The following LINGO2 variants were observed in gnomAD, a reference collection of about 807,000 sequenced individuals.
LINGO2 encodes the protein leucine-rich repeat and immunoglobulin-like domain-containing nogo receptor-interacting protein 2.
LINGO2 carries 14 observed loss-of-function variants against 30.6 expected under a neutral mutation model. The observed-to-expected ratio is 0.46, with a 90% CI of 0.30 to 0.72. LINGO2 has a LOEUF of 0.72. Among genes scored for constraint, LINGO2 ranks in the 30% least tolerant of loss-of-function variants. LINGO2 has a pLI of 0.07. For missense variants in LINGO2, 729 were observed against 751.7 expected (o/e 0.97, Z 0.35); for synonymous variants, 317 against 288.5 (o/e 1.10, Z -1.00).
chr9:28,554,152 T>C (rs1822494057), intron 1 of LINGO2, among the ~76,000 whole-genome samples: 2 of 151,540 alleles, frequency 1.3e-5, no homozygotes, highest in Admixed American at 6.6e-5. Flanking sequence ...ATAACCATAT[T>C]AACTTTAAAC....
At chr9:28,812,752 G>A in the LINGO2 span, among the ~76,000 whole-genome samples, 1 of 152,136 alleles carries the variant, frequency 6.6e-6, no homozygotes, top group Non-Finnish European at 1.5e-5. Flanking sequence ...TTATTTGGTT[G>A]AGATAAAAGC....
chr9:28,639,123 A>G (rs1827437649), intron 1 of LINGO2, among the ~76,000 whole-genome samples: 1 of 151,940 alleles, frequency 6.6e-6, no homozygotes. Flanking sequence ...CATGTAGTTG[A>G]GCGGTTTTGA....
chr9:28,389,326 G>A (rs1821730120), intron 2 of LINGO2, among the ~76,000 whole-genome samples: 1 of 152,064 alleles, frequency 6.6e-6, no homozygotes. Flanking sequence ...TAATGTCAGA[G>A]AAAGATAATG....
chr9:28,359,056 T>C (rs1820342322), intron 3 of LINGO2, among the ~76,000 whole-genome samples: 1 of 152,138 alleles, frequency 6.6e-6, no homozygotes, highest in South Asian at 2.1e-4. Context: ...AAGATGCCCT[T>C]GAAAATCAGC....
At chr9:27,999,178 C>CA (rs370402575) in intron 5 of LINGO2, among the ~76,000 whole-genome samples, 191 of 148,848 alleles carry the variant, frequency 1.3e-3, no homozygotes, top group Middle Eastern at 0.01. Context: ...AATGAAAAAG[C>CA]AAAAAAAAAC....
intron 2 of LINGO2, among the ~76,000 whole-genome samples, chr9:28,400,495 A>C (rs770520921): frequency 3.2e-4 from 49 of 152,204 alleles, no homozygotes; most frequent in Non-Finnish European, 6.2e-4. Flanking sequence ...TAGTTGTAAA[A>C]CATTTACCAG....
At chr9:29,177,552 T>C in the LINGO2 span, among the ~76,000 whole-genome samples, 1 of 152,142 alleles carries the variant, frequency 6.6e-6, no homozygotes, top group Non-Finnish European at 1.5e-5. Context: ...AAAAAAAACA[T>C]GGATATGTCC....
At chr9:29,177,444 A>G in the LINGO2 span, among the ~76,000 whole-genome samples, 4 of 152,156 alleles carry the variant, frequency 2.6e-5, no homozygotes, top group African/African-American at 4.8e-5. Context: ...AAACTTCAGG[A>G]GCCTTATTTT....
chr9:28,632,821 AT>A (rs1233587982), intron 1 of LINGO2, among the ~76,000 whole-genome samples: 2 of 102,690 alleles, frequency 1.9e-5, no homozygotes, highest in African/African-American at 6.7e-5. Context: ...ATCTATATAT[AT>A]TATATATTAT....
At chr9:28,398,628 A>G (rs1331902) in intron 2 of LINGO2, among the ~76,000 whole-genome samples, 151,490 of 152,010 alleles carry the variant, frequency 1, 75,487 homozygotes, top group Middle Eastern at 1. Flanking sequence ...ATCTCACAGC[A>G]TGCTGAGAAG....
chr9:28,499,645 C>T (rs1819804722), intron 1 of LINGO2, among the ~76,000 whole-genome samples: 1 of 152,164 alleles, frequency 6.6e-6, no homozygotes, highest in Admixed American at 6.5e-5. Flanking sequence ...TAAGGATACA[C>T]TTCTGAAAAT....
At chr9:28,986,112 C>T in the LINGO2 span, among the ~76,000 whole-genome samples, 1 of 151,894 alleles carries the variant, frequency 6.6e-6, no homozygotes, top group African/African-American at 2.4e-5. Flanking sequence ...ATTGAAGAGG[C>T]TATATTATTC....
At chr9:28,925,658 A>G in the LINGO2 span, among the ~76,000 whole-genome samples, 1 of 152,162 alleles carries the variant, frequency 6.6e-6, no homozygotes, top group Non-Finnish European at 1.5e-5. Flanking sequence ...ACTATTAACT[A>G]TATACTGTAT....
chr9:29,033,378 C>CTATATATATATATATATATATA, the LINGO2 span, among the ~76,000 whole-genome samples: 205 of 140,686 alleles, frequency 1.5e-3, no homozygotes, highest in East Asian at 8.1e-3. Context: ...AACTGCTTTA[C>CTATATATATATATATATATATA]TATATATATA....
At chr9:28,880,695 A>T in the LINGO2 span, among the ~76,000 whole-genome samples, 4 of 152,164 alleles carry the variant, frequency 2.6e-5, no homozygotes, top group African/African-American at 9.7e-5. Flanking sequence ...TGCAGTTGAG[A>T]TAGAGGAAGG....
intron 3 of LINGO2, among the ~76,000 whole-genome samples, chr9:28,352,761 G>C (rs1819959825): frequency 6.9e-6 from 1 of 144,702 alleles, no homozygotes; most frequent in Non-Finnish European, 1.5e-5. Context: ...ATACTACAAG[G>C]CTACAGTCAC....
At chr9:29,173,426 C>T in the LINGO2 span, among the ~76,000 whole-genome samples, 34 of 152,122 alleles carry the variant, frequency 2.2e-4, no homozygotes, top group Non-Finnish European at 4.1e-4. Flanking sequence ...ACGAATTTAC[C>T]GATTTACACT....
chr9:28,555,608 A>C (rs1587853300), intron 1 of LINGO2, among the ~76,000 whole-genome samples: 1 of 152,188 alleles, frequency 6.6e-6, no homozygotes, highest in South Asian at 2.1e-4. Flanking sequence ...AACTATTCCA[A>C]TCAATAGAAA....
chr9:29,015,408 T>C, the LINGO2 span, among the ~76,000 whole-genome samples: 6 of 152,156 alleles, frequency 3.9e-5, no homozygotes, highest in Admixed American at 1.3e-4. Context: ...ACTTTTTCTA[T>C]AGGGGGCCAG....
Sources: gnomAD v4.1 joint callset for allele counts (sites outside exome capture counted in the v4.1 genomes callset) on GRCh38, gnomAD v4.1.1 for gene constraint, MANE v1.5 for transcripts, NCBI Gene and HGNC (gene_info 2026-07-23, HGNC 2026-07-21) for gene names.